Variants in HCRTR1 observed in about 807,000 individuals in gnomAD.
The protein encoded by HCRTR1 is orexin/Hypocretin receptor type 1.
Under a neutral mutation model 40.6 loss-of-function variants are expected in HCRTR1, and 28 were observed. The observed-to-expected ratio is 0.69, with a 90% CI of 0.51 to 0.95. The LOEUF is 0.95. HCRTR1 is among the 40% of genes least tolerant of loss of function. The probability of loss-of-function intolerance (pLI) is 0.00; values close to 1 mark genes in which losing one functional copy is unlikely to be tolerated. For synonymous variants in HCRTR1, 209 were observed against 230.0 expected (o/e 0.91, Z 0.83); for missense variants, 482 against 564.7 (o/e 0.85, Z 1.48).
Position 31,623,657 on chromosome 1 carries a change from T to A in HCRTR1, c.873T>A (p.Arg291=). The A allele has an allele frequency of 6.2e-7, 1 of 1,614,082 alleles. No homozygotes were observed. Among genetic ancestry groups the A allele is most frequent in the Non-Finnish European group, 8.5e-7 (1 of 1,180,044 alleles). The change falls in exon 7 of 9, where the codon CGT becomes CGA. Residue 291 remains arginine, a synonymous_variant. Transcript: ENST00000403528. ...TCCTGGCTGAAGTGAAGCAGATGCG[T>A]GCACGGAGGAAGACAGCCAAGATGC... is the stretch of plus-strand genomic sequence containing the variant. ...RAFLAEVKQM[R]ARRKTAKMLM...
At position 31,619,529 on chromosome 1, in the gene HCRTR1, C is replaced by T. The variant is rs1639806633; in HGVS notation, c.200-3C>T. 1.9e-6 allele frequency: 3 copies of T among 1,613,854 alleles called. No individual in the cohort carries two copies. Among genetic ancestry groups the T allele is most frequent in the Admixed American group, 3.3e-5 (2 of 59,982 alleles). On this transcript the variant is annotated splice_region_variant and splice_polypyrimidine_tract_variant and intron_variant, in intron 3 of 8. Coordinates refer to ENST00000403528, the MANE Select transcript of HCRTR1 (RefSeq NM_001525.3). ...ACCAGCTTCACCTCGCTGCACCCTG[C>T]AGTCTGCCTGGCCGTGTGGCGGAAC...
rs1426043622 is a variant in HCRTR1, at chr1:31,623,741, CCTT to C, written c.958_960del (p.Leu320del). The C allele has an allele frequency of 6.2e-7, 1 of 1,613,118 alleles. No individual in the cohort carries two copies. The highest frequency in any genetic ancestry group is 1.7e-5 in the Admixed American group (1 of 59,980). On this transcript the variant is annotated inframe_deletion, in exon 7 of 9. Coordinates refer to ENST00000403528, the MANE Select transcript of HCRTR1 (RefSeq NM_001525.3). The stretch of plus-strand genomic sequence containing the variant: ...ACCTGCCCATCAGCGTCCTCAATGT[CCTT>C]AAGAGGTGAGAGCACGGGGTATGGT...
chr1:31,627,141 G>T lies in HCRTR1; in HGVS notation c.*161G>T. On this transcript the variant is annotated 3_prime_UTR_variant, in exon 9 of 9. Coordinates refer to ENST00000403528, the MANE Select transcript of HCRTR1 (RefSeq NM_001525.3). ...GTCTGAGCTTGTGTCCCCTAAGCAG[G>T]GTTGATGTGAGGATTAAGCATGCTG... 7.1e-7 allele frequency: 1 copy of T among 1,415,322 alleles called. No homozygotes were observed. Among genetic ancestry groups the T allele is most frequent in the Non-Finnish European group, 9.4e-7 (1 of 1,060,964 alleles). The allele number at this position is 1,415,322 out of a possible 1,614,324, so 87.7% of individuals were successfully genotyped here. A position where few individuals can be genotyped will look rare whatever the true frequency, so the allele number is the denominator to read the frequency against.
At chr1:31,633,045 C>T (rs1640156310), downstream of HCRTR1, 4 of 1,279,826 alleles carry the variant, frequency 3.1e-6, no homozygotes, top group East Asian at 7.3e-5. Context: ...CCCCACAGTC[C>T]TCCCTGGTCA....
chr1:31,625,160 A>C lies in HCRTR1; in HGVS notation c.1087+42A>C. 6.5e-7 allele frequency: 1 copy of C among 1,549,852 alleles called. No individual in the cohort carries two copies. Among genetic ancestry groups the C allele is most frequent in the East Asian group, 2.4e-5 (1 of 41,846 alleles). On this transcript the variant is annotated intron_variant, in intron 8 of 8. Coordinates refer to ENST00000403528, the MANE Select transcript of HCRTR1 (RefSeq NM_001525.3). This position sits in a 1 kb window ranked among gnomAD's most constrained non-coding sequence, Gnocchi z 4.2. ...TGCAAAATGACTGAGGGTGGCCAAC[A>C]GTCCACATGACAAGTCTCCCCATCC...
At chr1:31,621,223 A>G in intron 5 of HCRTR1, 137 bp downstream of exon 5, 1 of 1,206,024 alleles carries the variant, frequency 8.3e-7, no homozygotes, top group Non-Finnish European at 1.1e-6. Context: ...GACACCCTAG[A>G]CTGGCTCCTA....
In HCRTR1 at chr1:31,627,347, G is replaced by T. The variant is rs202173836; in HGVS notation, c.*367G>T. The T allele has an allele frequency of 6.9e-5, 90 of 1,306,452 alleles. No homozygotes were observed. The highest frequency in any genetic ancestry group is 9.0e-5 in the Non-Finnish European group (90 of 1,000,228). 80.9% of individuals were successfully genotyped at this position (1,306,452 alleles called of 1,614,324 possible). On this transcript the variant is annotated 3_prime_UTR_variant, in exon 9 of 9. Coordinates refer to ENST00000403528, the MANE Select transcript of HCRTR1 (RefSeq NM_001525.3). ...GGCCTTCCCTGGAGTCTGCTCTAAA[G>T]GTCCCAACAGGCATTTCCATCTTGT...
rs1381034705 is a variant in HCRTR1, at chr1:31,617,889, G to C, written c.-204+8G>C. Reference sequence around the variant, plus strand: ...GGGTCCCGGAGCCAACAGGTGCGGGGTGTGGGGGACCCCCAGGCCTGGGAT... The same window carrying C: ...GGGTCCCGGAGCCAACAGGTGCGGGCTGTGGGGGACCCCCAGGCCTGGGAT... On this transcript the variant is annotated splice_region_variant and intron_variant, in intron 1 of 8. Transcript: ENST00000403528. 6.6e-6 allele frequency: 1 copy of C among 152,210 alleles called. No homozygotes were observed. The highest frequency in any genetic ancestry group is 2.4e-5 in the African/African-American group (1 of 41,428). 9.4% of individuals were successfully genotyped at this position (152,210 alleles called of 1,614,324 possible).
downstream of HCRTR1, among the ~76,000 whole-genome samples, chr1:31,628,396 T>G (rs1640019914): frequency 6.6e-6 from 1 of 152,242 alleles, no homozygotes; most frequent in Non-Finnish European, 1.5e-5. Flanking sequence ...CTCTAGCTGC[T>G]GCCAGGAGGA....
At position 31,621,100 on chromosome 1, in the gene HCRTR1, C is replaced by T. The variant is rs1639845533; in HGVS notation, c.622+14C>T. On this transcript the variant is annotated intron_variant, in intron 5 of 8. Transcript: ENST00000403528. ...AACGCTGGGCAGGTAATGGTGGAAGCCTCAAGCAGGCATCCCCTCAGGTGG... is the reference window on the plus strand; with the variant it reads ...AACGCTGGGCAGGTAATGGTGGAAGTCTCAAGCAGGCATCCCCTCAGGTGG... The T allele has an allele frequency of 6.3e-7, 1 of 1,594,782 alleles. No individual in the cohort carries two copies. Among genetic ancestry groups the T allele is most frequent in the East Asian group, 2.2e-5 (1 of 44,724 alleles).
chr1:31,632,450 A>C, downstream of HCRTR1: 1 of 1,614,022 alleles, frequency 6.2e-7, no homozygotes, highest in Non-Finnish European at 8.5e-7. Flanking sequence ...TAAAGAGAAG[A>C]GTCTAGCTCT....
chr1:31,622,488 T>C (rs1022621259), intron 6 of HCRTR1, among the ~76,000 whole-genome samples: 3 of 152,086 alleles, frequency 2.0e-5, no homozygotes, highest in African/African-American at 7.2e-5. Flanking sequence ...GCCAGCCCTG[T>C]AGTCCACCAA....
In HCRTR1 at chr1:31,617,899, C is replaced by A. The variant is rs1038543254; in HGVS notation, c.-204+18C>A. 3.9e-5 allele frequency: 6 copies of A among 152,104 alleles called. No homozygotes were observed. Among genetic ancestry groups the A allele is most frequent in the African/African-American group, 1.4e-4 (6 of 41,424 alleles). 9.4% of individuals were successfully genotyped at this position (152,104 alleles called of 1,614,324 possible). A position where few individuals can be genotyped will look rare whatever the true frequency, so the allele number is the denominator to read the frequency against. On this transcript the variant is annotated intron_variant, in intron 1 of 8. Transcript: ENST00000403528. ...GCCAACAGGTGCGGGGTGTGGGGGA[C>A]CCCCAGGCCTGGGATGGGGGTTCCA... is the stretch of plus-strand genomic sequence containing the variant.
rs1420914430 is a variant in HCRTR1 at position 31,627,179 on chromosome 1, A to AG, written c.*200dup. 6.9e-7 allele frequency: 1 copy of AG among 1,454,296 alleles called. No homozygotes were observed. Among genetic ancestry groups the AG allele is most frequent in the African/African-American group, 1.4e-5 (1 of 71,360 alleles). 90.1% of individuals were successfully genotyped at this position (1,454,296 alleles called of 1,614,324 possible). A position where few individuals can be genotyped will look rare whatever the true frequency, so the allele number is the denominator to read the frequency against. On this transcript the variant is annotated 3_prime_UTR_variant, in exon 9 of 9. Transcript: ENST00000403528. ...ATTAAGCATGCTGAAGCAAGTGGAAAGCTCCTTGTAAACTGTGAAGTGTTG... is the reference window on the plus strand; with the variant it reads ...ATTAAGCATGCTGAAGCAAGTGGAAAGGCTCCTTGTAAACTGTGAAGTGTTG...
chr1:31,623,770 T>C, intron 7 of HCRTR1, 21 bp downstream of exon 7: 1 of 1,589,960 alleles, frequency 6.3e-7, no homozygotes, highest in Non-Finnish European at 8.6e-7. Context: ...GGGGTATGGT[T>C]GGGGTGGGGA....
At chr1:31,622,362 C>T (rs1244389075) in intron 6 of HCRTR1, among the ~76,000 whole-genome samples, 1 of 152,072 alleles carries the variant, frequency 6.6e-6, no homozygotes, top group Non-Finnish European at 1.5e-5. Flanking sequence ...CTACATTCCA[C>T]AGGAAGTACT....
chr1:31,623,441 A>G (rs1270638207), intron 6 of HCRTR1, 82 bp from the exon 7 acceptor site: 1 of 1,219,950 alleles, frequency 8.2e-7, no homozygotes, highest in African/African-American at 1.5e-5. Context: ...CCCGGGGTCC[A>G]GCCTGGAGTA....
At chr1:31,621,122 G>A (rs1426672369) in intron 5 of HCRTR1, 36 bp downstream of exon 5, 1 of 1,583,380 alleles carries the variant, frequency 6.3e-7, no homozygotes, top group Non-Finnish European at 8.6e-7. Context: ...ATCCCCTCAG[G>A]TGGGCACTTT....
chr1:31,622,710 G>A (rs1639883716), intron 6 of HCRTR1, among the ~76,000 whole-genome samples: 1 of 152,190 alleles, frequency 6.6e-6, no homozygotes, highest in Non-Finnish European at 1.5e-5. Context: ...TCCGGTGGCA[G>A]GAGAGGCTTC....
Sources: allele counts gnomAD v4.1 joint callset (sites outside exome capture counted in the v4.1 genomes callset), GRCh38; gene constraint gnomAD v4.1.1; non-coding constraint Gnocchi (gnomAD v3.1); transcripts MANE v1.5; gene names NCBI Gene and HGNC (gene_info 2026-07-23, HGNC 2026-07-21).